REV3L: variants seen among roughly 807,000 people sequenced by gnomAD.
REV3L encodes DNA polymerase zeta catalytic subunit.
In REV3L, 69 loss-of-function variants were observed where a neutral mutation model predicts 299.4. The observed-to-expected ratio is 0.23, with a 90% confidence interval of 0.19 to 0.28. The LOEUF (loss-of-function observed/expected upper bound fraction) is 0.28. Ranked by LOEUF, REV3L falls within the 10% of genes least tolerant of loss-of-function variation. The pLI is 1.00. For missense variants in REV3L, 3,128 were observed against 3,693.8 expected, an observed-to-expected ratio of 0.85 and a Z score of 3.97; for synonymous variants, 1,238 against 1,271.4, an observed-to-expected ratio of 0.97 and a Z score of 0.56.
At chr6:111,407,828 C>A (rs1294621590) in intron 3 of REV3L, among the ~76,000 whole-genome samples, 2 of 152,000 alleles carry the variant, frequency 1.3e-5, no homozygotes, top group African/African-American at 4.8e-5. Flanking sequence ...CCTAACTACT[C>A]AGGAGGCTGA....
At position 111,307,530 on chromosome 6, in the gene REV3L, C is replaced by T. The variant is rs1772453183; in HGVS notation, c.9083G>A (p.Gly3028Glu). 6.2e-7 allele frequency: 1 copy of T among 1,614,090 alleles called. No individual in the cohort carries two copies. The highest frequency in any genetic ancestry group is 1.7e-5 in the Admixed American group (1 of 60,006). ...ATSSSRSEPE[G>E]RKGTISQYFT... ...ATATTGTGAAATAGTGCCTTTCCGC[C>T]CTTCAGGTTCACTTCGCGAGGAGCT... Residue 3028 changes from glycine (G) to glutamate (E), a missense_variant, in exon 31 of 32, where the codon GGG becomes GAG. Physicochemically the swap from Gly to Glu is moderately conservative, Grantham distance 98. Around this residue, in one of 9 missense-constraint regions of REV3L, gnomAD observed 294 missense variants for 377.0 expected, o/e 0.78. Coordinates refer to ENST00000368802, the MANE Select transcript of REV3L (RefSeq NM_001372078.1).
intron 31 of REV3L, among the ~76,000 whole-genome samples, chr6:111,304,143 T>TTC (rs371879825): frequency 8.1e-5 from 12 of 148,300 alleles, no homozygotes; most frequent in African/African-American, 3.0e-4. Flanking sequence ...TTTCACTTAT[T>TTC]TCTGATCACT....
chr6:111,402,486 G>A (rs1269342857), intron 4 of REV3L, among the ~76,000 whole-genome samples: 3 of 152,246 alleles, frequency 2.0e-5, no homozygotes, highest in East Asian at 1.9e-4. Context: ...TGCTTTAAGC[G>A]TTCTATTCCC....
chr6:111,325,016 T>C (rs989949879), intron 25 of REV3L, among the ~76,000 whole-genome samples: 2 of 151,974 alleles, frequency 1.3e-5, no homozygotes, highest in African/African-American at 4.8e-5. Flanking sequence ...CACCCGCCAC[T>C]ACGCCCGGCT....
chr6:111,357,658 A>C (rs1338236540), intron 17 of REV3L, among the ~76,000 whole-genome samples: 1 of 151,996 alleles, frequency 6.6e-6, no homozygotes, highest in Non-Finnish European at 1.5e-5. Context: ...GCACCACTGC[A>C]CTCCAACCTG....
Position 111,311,264 on chromosome 6 carries a change from A to G in REV3L, c.8605-5T>C. Reference sequence around the variant, plus strand: ...CTTTAGAGAACGCTCAAGTATCTTAAAACAAAAAAGATATGCAAGTAAAGA... The same window carrying G: ...CTTTAGAGAACGCTCAAGTATCTTAGAACAAAAAAGATATGCAAGTAAAGA... On this transcript the variant is annotated splice_region_variant and splice_polypyrimidine_tract_variant and intron_variant, in intron 28 of 31. Transcript: ENST00000368802. 1 of 1,587,080 alleles carries G rather than the reference A, an allele frequency of 6.3e-7. No homozygotes were observed. Among genetic ancestry groups the G allele is most frequent in the Non-Finnish European group, 8.6e-7 (1 of 1,166,358 alleles).
At chr6:111,318,123 T>G (rs1359500300) in intron 26 of REV3L, among the ~76,000 whole-genome samples, 1 of 151,834 alleles carries the variant, frequency 6.6e-6, no homozygotes, top group Non-Finnish European at 1.5e-5. Context: ...AGTCTTGCTC[T>G]GTCACCCAGG....
At chr6:111,390,208 A>G (rs759529957) in intron 5 of REV3L, 28 bp from the exon 6 acceptor site, 172 of 1,379,592 alleles carry the variant, frequency 1.2e-4, no homozygotes, top group Non-Finnish European at 1.7e-4. Context: ...AAAAAACATA[A>G]TAATTATGTG....
At chr6:111,378,878 A>G (rs559970436) in intron 11 of REV3L, among the ~76,000 whole-genome samples, 1 of 152,328 alleles carries the variant, frequency 6.6e-6, no homozygotes, top group East Asian at 1.9e-4. Context: ...ATGCTCACAG[A>G]TCCTTCTAGT....
chr6:111,375,114 A>T lies in REV3L; in HGVS notation c.3241T>A (p.Ser1081Thr). ...GAGGGAGGAGAAAGAATAGCATGTGACCGTTTTTTCCTGAAAGACAAAGTT... is the reference window on the plus strand; with the variant it reads ...GAGGGAGGAGAAAGAATAGCATGTGTCCGTTTTTTCCTGAAAGACAAAGTT... ...KRTLSFRKKR[S>T]HAILSPPSPS... Residue 1081 changes from serine (S) to threonine (T), a missense_variant, in exon 13 of 32, where the codon TCA becomes ACA. Around this residue, in one of 9 missense-constraint regions of REV3L, gnomAD observed 2,409 missense variants for 2,611.8 expected, o/e 0.92. Transcript: ENST00000368802. 1 of 1,610,752 alleles carries T rather than the reference A, an allele frequency of 6.2e-7. No individual in the cohort carries two copies. The highest frequency in any genetic ancestry group is 8.5e-7 in the Non-Finnish European group (1 of 1,179,122).
chr6:111,428,610 G>C (rs550902652), intron 1 of REV3L, among the ~76,000 whole-genome samples: 1 of 151,930 alleles, frequency 6.6e-6, no homozygotes, highest in Non-Finnish European at 1.5e-5. Context: ...TCTCTCAATA[G>C]CAGGATATAT....
chr6:111,332,558 G>A (rs1775506523), intron 23 of REV3L, among the ~76,000 whole-genome samples: 1 of 151,790 alleles, frequency 6.6e-6, no homozygotes, highest in Admixed American at 6.6e-5. Flanking sequence ...AGGAATATAG[G>A]ATATACTAAA....
At chr6:111,332,761 G>A (rs1775526183) in intron 23 of REV3L, among the ~76,000 whole-genome samples, 1 of 152,148 alleles carries the variant, frequency 6.6e-6, no homozygotes, top group African/African-American at 2.4e-5. Context: ...GAAAAATAAA[G>A]AGGAGGTCTA....
intron 26 of REV3L, among the ~76,000 whole-genome samples, chr6:111,316,069 T>C (rs934337114): frequency 1.3e-5 from 2 of 151,950 alleles, no homozygotes; most frequent in Admixed American, 6.6e-5. Context: ...TGAAACCCCA[T>C]CCCTACTAAA....
intron 1 of REV3L, among the ~76,000 whole-genome samples, chr6:111,424,646 G>A (rs1010757378): frequency 3.9e-5 from 6 of 152,236 alleles, no homozygotes; most frequent in East Asian, 1.9e-4. Flanking sequence ...TGGAGGAGCC[G>A]GAACCCATTT....
At chr6:111,465,918 A>T (rs1440628695) in intron 1 of REV3L, among the ~76,000 whole-genome samples, 1 of 152,146 alleles carries the variant, frequency 6.6e-6, no homozygotes, top group African/African-American at 2.4e-5. Flanking sequence ...AAAAGATTTT[A>T]AGAAATGAAT....
chr6:111,337,711 A>G (rs1170698114), intron 21 of REV3L, among the ~76,000 whole-genome samples: 3 of 152,228 alleles, frequency 2.0e-5, no homozygotes, highest in Non-Finnish European at 4.4e-5. Flanking sequence ...TAGACAAAAA[A>G]TGATACATTT....
upstream of REV3L, chr6:111,483,308 G>A: frequency 4.1e-6 from 2 of 486,904 alleles, no homozygotes; most frequent in South Asian, 3.1e-5. Flanking sequence ...GGCGGGAAAA[G>A]GAGCGAGAGG....
At chr6:111,318,164 T>G (rs955913166) in intron 26 of REV3L, among the ~76,000 whole-genome samples, 2 of 151,586 alleles carry the variant, frequency 1.3e-5, no homozygotes, top group Non-Finnish European at 2.9e-5. Context: ...CTCGGCTCAC[T>G]GCAAGCTCCA....
Sources: allele counts gnomAD v4.1 joint callset (sites outside exome capture counted in the v4.1 genomes callset), GRCh38; gene constraint gnomAD v4.1.1; regional missense constraint gnomAD v4.1.1; transcripts MANE v1.5; gene names NCBI Gene and HGNC (gene_info 2026-07-23, HGNC 2026-07-21).